MMP8: variants seen among roughly 807,000 people sequenced by gnomAD.
The protein encoded by MMP8 is neutrophil collagenase.
MMP8 carries 67 observed loss-of-function variants against 51.2 expected under a neutral mutation model. The ratio of observed to expected loss-of-function variants is 1.31; its 90% CI spans 1.08 to 1.60. The LOEUF (loss-of-function observed/expected upper bound fraction) is 1.60, where lower values mean the gene tolerates loss of function less well. MMP8 is among the 40% of genes most tolerant of loss of function. The probability of loss-of-function intolerance (pLI) is 0.00; values close to 1 mark genes in which losing one functional copy is unlikely to be tolerated. For synonymous variants in MMP8, 225 were observed against 191.0 expected (o/e 1.18, Z -1.47); for missense variants, 654 against 558.1 (o/e 1.17, Z -1.73).
intron 1 of MMP8, among the ~76,000 whole-genome samples, chr11:102,724,307 T>C (rs962046659): frequency 8.5e-5 from 13 of 152,322 alleles, no homozygotes; most frequent in African/African-American, 1.9e-4. Context: ...GTGTACTGAT[T>C]TCTAGTTCAT....
At chr11:102,724,327 C>A (rs1226008792) in intron 1 of MMP8, among the ~76,000 whole-genome samples, 4 of 152,112 alleles carry the variant, frequency 2.6e-5, no homozygotes, top group Non-Finnish European at 5.9e-5. Context: ...TTGTAATCTA[C>A]CATCCTCACA....
chr11:102,716,269 G>A, intron 6 of MMP8, 33 bp downstream of exon 6: 4 of 1,407,076 alleles, frequency 2.8e-6, no homozygotes, highest in Non-Finnish European at 4.0e-6. Context: ...GTCAGTAAGA[G>A]GAATCAAAGG....
At chr11:102,713,668 C>T (rs1334298552) in intron 9 of MMP8, 86 bp downstream of exon 9, 1 of 1,228,510 alleles carries the variant, frequency 8.1e-7, no homozygotes, top group African/African-American at 1.5e-5. Context: ...GAGTTTGACA[C>T]TAACCTGGTC....
intron 1 of MMP8, chr11:102,724,061 C>T (rs1861549182): frequency 6.3e-6 from 1 of 158,384 alleles, no homozygotes; most frequent in Non-Finnish European, 1.4e-5. Context: ...TTTACATTAA[C>T]CCGGGGGTTA....
Position 102,714,629 on chromosome 11 carries a change from T to C in MMP8, c.1117A>G (p.Ser373Gly). The change falls in exon 8 of 10, where the codon AGC (serine) becomes GGC (glycine). Residue 373 changes from serine (S) to glycine (G), a missense_variant. Physicochemically the swap from Ser to Gly is moderately conservative, Grantham distance 56. Coordinates refer to ENST00000236826, the MANE Select transcript of MMP8 (RefSeq NM_002424.3). ...ACAGCTGCGTCAATTGCTTGGACGC[T>C]GCTGGGGAAGCCATAGTTTGATATA... Reference protein sequence around the residue: ...KDISNYGFPSSVQAIDAAVFY... With the variant: ...KDISNYGFPSGVQAIDAAVFY... 1 of 1,552,076 alleles carries C rather than the reference T, an allele frequency of 6.4e-7. No individual in the cohort carries two copies. The highest frequency in any genetic ancestry group is 8.7e-7 in the Non-Finnish European group (1 of 1,152,022).
rs1861185699 is a variant in MMP8 at position 102,713,450 on chromosome 11, G to T, written c.1302C>A (p.Phe434Leu). 9 of 1,606,374 alleles carry T rather than the reference G, an allele frequency of 5.6e-6. No individual in the cohort carries two copies. Among genetic ancestry groups the T allele is most frequent in the Non-Finnish European group, 7.7e-6 (9 of 1,173,352 alleles). Residue 434 changes from phenylalanine to leucine, a missense_variant, in exon 10 of 10, where the codon TTC becomes TTA. Phe to Leu is a conservative substitution (Grantham distance 22, BLOSUM62 0). Coordinates refer to ENST00000236826, the MANE Select transcript of MMP8 (RefSeq NM_002424.3). ...VDAVFQQEHF[F>L]HVFSGPRYYA... is the part of the protein sequence containing the mutation. ...AATATCTTGGTCCACTGAAGACATG[G>T]AAGAAATCTATAAAAAAAGAGAGAT...
At position 102,713,772 on chromosome 11, in the gene MMP8, C is replaced by T. The variant is rs753879758; in HGVS notation, c.1276G>A (p.Ala426Thr). The T allele has an allele frequency of 1.2e-6, 2 of 1,605,248 alleles. No homozygotes were observed. Among genetic ancestry groups the T allele is most frequent in the South Asian group, 2.3e-5 (2 of 88,508 alleles). The change falls in exon 9 of 10, where the codon GCA (alanine) becomes ACA (threonine). Residue 426 changes from alanine to threonine, a missense_variant. Coordinates refer to ENST00000236826, the MANE Select transcript of MMP8 (RefSeq NM_002424.3). ...TACTTACGTTCTTGCTGGAAAACTG[C>T]ATCAACTTTACTCTCTATTCCTGGA... The part of the protein sequence containing the change: ...AFPGIESKVD[A>T]VFQQEHFFHV...
chr11:102,720,883 C>T (rs1861448409), intron 4 of MMP8, among the ~76,000 whole-genome samples: 1 of 151,924 alleles, frequency 6.6e-6, no homozygotes, highest in Non-Finnish European at 1.5e-5. Flanking sequence ...ATTATAATTT[C>T]TAAATGAATT....
intron 4 of MMP8, 41 bp from the exon 5 acceptor site, chr11:102,718,616 C>T (rs867716638): frequency 6.2e-7 from 1 of 1,609,980 alleles, no homozygotes; most frequent in East Asian, 2.2e-5. Flanking sequence ...CAGTGTGGAT[C>T]CCAGGGTGGC....
chr11:102,721,373 T>C, intron 4 of MMP8, 28 bp downstream of exon 4: 1 of 1,613,176 alleles, frequency 6.2e-7, no homozygotes, highest in Non-Finnish European at 8.5e-7. Flanking sequence ...TCAGAAGCTG[T>C]GTGTGGACAT....
In MMP8 at chr11:102,713,373, T is replaced by G. The variant is rs35866072; in HGVS notation, c.1379A>C (p.Lys460Thr). The G allele has an allele frequency of 0.057, 92,707 of 1,612,716 alleles. 3,936 individuals carry two copies. Among genetic ancestry groups the G allele is most frequent in the African/African-American group, 0.21 (15,942 of 74,894 alleles). ...QRVTRVARGNKWLNCRYG is the reference protein window; with the variant it reads ...QRVTRVARGNTWLNCRYG ...TCAGCCATATCTACAGTTAAGCCAT[T>G]TATTGCCTCTTGCAACTCTGGTAAC... is the stretch of plus-strand genomic sequence containing the variant. Residue 460 changes from lysine to threonine, a missense_variant, in exon 10 of 10, where the codon AAA (lysine) becomes ACA (threonine). Lys to Thr is a moderately conservative substitution (Grantham distance 78). Coordinates refer to ENST00000236826, the MANE Select transcript of MMP8 (RefSeq NM_002424.3).
intron 4 of MMP8, among the ~76,000 whole-genome samples, chr11:102,719,707 AG>A (rs374635206): frequency 3.0e-4 from 46 of 152,350 alleles, no homozygotes; most frequent in African/African-American, 1.0e-3. Flanking sequence ...TGCATTCATG[AG>A]TGCATTTCAG....
At position 102,721,650 on chromosome 11, in the gene MMP8, C is replaced by G; in HGVS notation, c.460G>C (p.Gly154Arg). ...AAAGCAATGTTGATATCTGCCTCTC[C>G]CTGTGAGATCCTGGTGAAGATGAGA... ...SPLIFTRISQ[G>R]EADINIAFYQ... The change falls in exon 3 of 10, where the codon GGA (glycine) becomes CGA (arginine). Residue 154 changes from glycine to arginine, a missense_variant. Transcript: ENST00000236826. 1 of 1,613,818 alleles carries G rather than the reference C, an allele frequency of 6.2e-7. No homozygotes were observed. The highest frequency in any genetic ancestry group is 1.7e-5 in the Admixed American group (1 of 59,944).
chr11:102,723,626 T>A (rs889698416), intron 1 of MMP8: 4 of 385,588 alleles, frequency 1.0e-5, no homozygotes, highest in Non-Finnish European at 2.1e-5. Flanking sequence ...CAGCCCCTCT[T>A]TATAATACCC....
At chr11:102,713,595 G>T in intron 9 of MMP8, 138 bp from the exon 10 acceptor site, 1 of 991,274 alleles carries the variant, frequency 1.0e-6, no homozygotes, top group Non-Finnish European at 1.5e-6. Context: ...ACCAGGTGCG[G>T]TGGCTAATGC....
At position 102,716,390 on chromosome 11, in the gene MMP8, C is replaced by G. The variant is rs1255757899; in HGVS notation, c.814G>C (p.Gly272Arg). The change falls in exon 6 of 10, where the codon GGA becomes CGA. Residue 272 changes from glycine to arginine, a missense_variant. By Grantham distance (125) the Gly-to-Arg change is moderately radical. Transcript: ENST00000236826. ...TCACAGGGTTTGGGTGTGCTTGGTC[C>G]AGTAGGTTGGATAGGGTTGCTTGAA... ...GLSSNPIQPT[G>R]PSTPKPCDPS... is the part of the protein sequence containing the mutation. The G allele has an allele frequency of 6.1e-6, 9 of 1,483,456 alleles. No homozygotes were observed. Among genetic ancestry groups the G allele is most frequent in the Non-Finnish European group, 8.3e-6 (9 of 1,088,808 alleles). The allele number at this position is 1,483,456 out of a possible 1,614,324, so 91.9% of individuals were successfully genotyped here. A position where few individuals can be genotyped will look rare whatever the true frequency, so the allele number is the denominator to read the frequency against.
At chr11:102,719,879 G>C (rs1384164403) in intron 4 of MMP8, among the ~76,000 whole-genome samples, 1 of 152,214 alleles carries the variant, frequency 6.6e-6, no homozygotes, top group African/African-American at 2.4e-5. Flanking sequence ...TACAAAAGCT[G>C]TCAGAATTCT....
At chr11:102,724,608 TCC>T in intron 1 of MMP8, 144 bp downstream of exon 1, 1 of 688,736 alleles carries the variant, frequency 1.5e-6, no homozygotes, top group Non-Finnish European at 2.3e-6. Flanking sequence ...CTTGGAACCC[TCC>T]AAATCACTAA....
chr11:102,715,504 AC>A, intron 6 of MMP8, 67 bp from the exon 7 acceptor site: 1 of 1,544,778 alleles, frequency 6.5e-7, no homozygotes, highest in Non-Finnish European at 8.7e-7. Context: ...AGTTCCTGTG[AC>A]TTTTAGGCTA....
Sources: allele counts gnomAD v4.1 joint callset (sites outside exome capture counted in the v4.1 genomes callset), GRCh38; gene constraint gnomAD v4.1.1; transcripts MANE v1.5; gene names NCBI Gene and HGNC (gene_info 2026-07-23, HGNC 2026-07-21).